PLEKHM1: variants seen among roughly 807,000 people sequenced by gnomAD.
The protein encoded by PLEKHM1 is pleckstrin homology and RUN domain containing M1, also known as pleckstrin homology domain-containing family M member 1.
A neutral mutation model predicts 94.3 loss-of-function variants in PLEKHM1; 28 were observed. The observed-to-expected ratio is 0.30, with a 90% CI of 0.22 to 0.41. PLEKHM1 has a LOEUF of 0.41. PLEKHM1 is among the 10% of genes least tolerant of loss of function. PLEKHM1 has a pLI of 1.00. For synonymous variants in PLEKHM1, 424 were observed against 581.2 expected (o/e 0.73, Z 3.89); for missense variants, 907 against 1,358.6 (o/e 0.67, Z 5.22).
At chr17:45,471,029 A>G (rs1183482893) in intron 4 of PLEKHM1, among the ~76,000 whole-genome samples, 1 of 151,932 alleles carries the variant, frequency 6.6e-6, no homozygotes, top group Non-Finnish European at 1.5e-5. Flanking sequence ...GAATGGGGGG[A>G]AATATTTTTA....
chr17:45,454,674 T>C (rs1294340702), intron 6 of PLEKHM1: 3 of 387,726 alleles, frequency 7.7e-6, no homozygotes, highest in Non-Finnish European at 1.5e-5. Context: ...CTCTCCTCTG[T>C]CACTGCTTTC....
chr17:45,438,507 G>A (rs1288367419), intron 11 of PLEKHM1, among the ~76,000 whole-genome samples: 5 of 151,388 alleles, frequency 3.3e-5, no homozygotes, highest in Non-Finnish European at 7.4e-5. Flanking sequence ...ACTCCAGCCT[G>A]GGCGACAGAG....
At chr17:45,471,484 T>C (rs913853074) in intron 4 of PLEKHM1, among the ~76,000 whole-genome samples, 4 of 151,852 alleles carry the variant, frequency 2.6e-5, no homozygotes, top group African/African-American at 2.4e-5. Flanking sequence ...CTACCCAGGC[T>C]GGGCATGGTG....
chr17:45,451,320 G>C (rs1260297224), intron 7 of PLEKHM1, among the ~76,000 whole-genome samples: 1 of 152,242 alleles, frequency 6.6e-6, no homozygotes, highest in African/African-American at 2.4e-5. Flanking sequence ...CCTCGGGACT[G>C]TGGGGTAGGG....
intron 4 of PLEKHM1, among the ~76,000 whole-genome samples, chr17:45,469,202 T>G (rs1464872131): frequency 6.6e-6 from 1 of 152,090 alleles, no homozygotes; most frequent in Non-Finnish European, 1.5e-5. Flanking sequence ...CTGCTGGAGC[T>G]CAATGTATAC....
intron 1 of PLEKHM1, among the ~76,000 whole-genome samples, chr17:45,486,032 C>G (rs1225297185): frequency 6.7e-6 from 1 of 149,476 alleles, no homozygotes; most frequent in Non-Finnish European, 1.5e-5. Flanking sequence ...CTGGCTAACA[C>G]GGTGAAACCC....
chr17:45,440,954 T>A (rs1179892665), intron 9 of PLEKHM1: 1 of 154,448 alleles, frequency 6.5e-6, no homozygotes, highest in Non-Finnish European at 1.4e-5. Flanking sequence ...CTGGTTTCAG[T>A]GCTGAGACGT....
chr17:45,454,571 G>T, intron 6 of PLEKHM1: 1 of 568,878 alleles, frequency 1.8e-6, no homozygotes, highest in Non-Finnish European at 3.2e-6. Flanking sequence ...TGCCAGGGAT[G>T]AACCAAGTGT....
intron 1 of PLEKHM1, among the ~76,000 whole-genome samples, chr17:45,483,536 C>G (rs1350778462): frequency 1.3e-5 from 2 of 151,724 alleles, no homozygotes; most frequent in Admixed American, 1.3e-4. Context: ...CTGGGCCAGG[C>G]AGGCACATTC....
intron 9 of PLEKHM1, chr17:45,441,181 C>A (rs1597912222): frequency 6.6e-6 from 1 of 152,178 alleles, no homozygotes; most frequent in South Asian, 2.1e-4. Flanking sequence ...GGAGGTTACT[C>A]CAAGTCAGAG....
downstream of PLEKHM1, among the ~76,000 whole-genome samples, chr17:45,434,852 T>C (rs773752110): frequency 4.0e-5 from 6 of 150,698 alleles, no homozygotes; most frequent in Non-Finnish European, 5.9e-5. Context: ...AGGGGAAGTC[T>C]CAGCTACTCA....
chr17:45,438,410 T>C (rs901762044), intron 11 of PLEKHM1, among the ~76,000 whole-genome samples: 32 of 151,734 alleles, frequency 2.1e-4, no homozygotes, highest in African/African-American at 7.7e-4. Context: ...TGTGTGCCTG[T>C]AGCCCCAGCT....
At chr17:45,477,242 C>T (rs1041738984) in intron 3 of PLEKHM1, 7 of 160,844 alleles carry the variant, frequency 4.4e-5, no homozygotes, top group African/African-American at 1.4e-4. Flanking sequence ...TGAGAGCAGC[C>T]TGACCAACAT....
chr17:45,456,443 C>A (rs2050949678), intron 6 of PLEKHM1: 2 of 152,256 alleles, frequency 1.3e-5, no homozygotes, highest in South Asian at 4.1e-4. Flanking sequence ...GGTGTGACAA[C>A]AACCAGGGTG....
chr17:45,473,077 T>C (rs2051568066), intron 4 of PLEKHM1, among the ~76,000 whole-genome samples: 1 of 151,668 alleles, frequency 6.6e-6, no homozygotes, highest in Non-Finnish European at 1.5e-5. Context: ...CCTGGTGGAG[T>C]GTAAATGGGC....
intron 1 of PLEKHM1, among the ~76,000 whole-genome samples, chr17:45,483,066 G>A (rs907823147): frequency 6.6e-6 from 1 of 151,984 alleles, no homozygotes; most frequent in Middle Eastern, 3.4e-3. Flanking sequence ...GCTTCAAAAG[G>A]GGAGGGCTCC....
chr17:45,470,196 TG>T (rs2051452857), intron 4 of PLEKHM1, among the ~76,000 whole-genome samples: 2 of 152,236 alleles, frequency 1.3e-5, no homozygotes, highest in Admixed American at 1.3e-4. Context: ...AAAGCTGGAC[TG>T]CTATCTCACA....
Position 45,458,233 on chromosome 17 carries a change from C to T in PLEKHM1, c.1515G>A (p.Arg505=). Residue 505 remains arginine, a synonymous_variant, in exon 6 of 12, where the codon AGG becomes AGA. Coordinates refer to ENST00000430334, the MANE Select transcript of PLEKHM1 (RefSeq NM_014798.3). ...CCTGGGATGGGGCTGCCTGGGCTTGCCTTCTTCCTGGGGAAGGTACACACG... is the reference window on the plus strand; with the variant it reads ...CCTGGGATGGGGCTGCCTGGGCTTGTCTTCTTCCTGGGGAAGGTACACACG... ...DQACVPSPGR[R]QAQAAPSQGH... 6.2e-7 allele frequency: 1 copy of T among 1,613,006 alleles called. No homozygotes were observed. Among genetic ancestry groups the T allele is most frequent in the Non-Finnish European group, 8.5e-7 (1 of 1,179,476 alleles).
At chr17:45,456,262 T>C (rs1005293943) in intron 6 of PLEKHM1, 32 of 152,224 alleles carry the variant, frequency 2.1e-4, no homozygotes, top group African/African-American at 6.5e-4. Flanking sequence ...TCCCGTCTCC[T>C]CTACTAGAAT....
Sources: gnomAD v4.1 joint callset for allele counts (sites outside exome capture counted in the v4.1 genomes callset) on GRCh38, gnomAD v4.1.1 for gene constraint, MANE v1.5 for transcripts, NCBI Gene and HGNC (gene_info 2026-07-23, HGNC 2026-07-21) for gene names.